MGAT4C: variants seen among roughly 807,000 people sequenced by gnomAD.
MGAT4C encodes alpha-1,3-mannosyl-glycoprotein 4-beta-N-acetylglucosaminyltransferase C.
MGAT4C carries 19 observed loss-of-function variants against 40.1 expected under a neutral mutation model. The ratio of observed to expected loss-of-function variants is 0.47; its 90% CI spans 0.33 to 0.70. The LOEUF (loss-of-function observed/expected upper bound fraction) is 0.70, where lower values mean the gene tolerates loss of function less well. Ranked by LOEUF, MGAT4C falls within the 30% of genes least tolerant of loss-of-function variation. The pLI is 0.02. For missense variants in MGAT4C, 491 were observed against 563.2 expected (o/e 0.87, Z 1.30); for synonymous variants, 181 against 187.1 (o/e 0.97, Z 0.27).
rs375594924 is a variant in MGAT4C at position 85,964,458 on chromosome 12, G to C, written c.*14831C>G. ...GAAATAATAGTATCATTCTATTTCA[G>C]GTTCTTAAGCAACATTCCTAAGACT... On this transcript the variant is annotated 3_prime_UTR_variant, in exon 5 of 5. Transcript: ENST00000611864. 2.4e-4 allele frequency: 37 copies of C among 152,038 alleles called. No homozygotes were observed. In the East Asian group the frequency reaches 6.6e-3, roughly 27 times the overall value. 9.4% of individuals were successfully genotyped at this position (152,038 alleles called of 1,614,324 possible).
chr12:86,145,709 C>T (rs844437), intron 1 of MGAT4C, among the ~76,000 whole-genome samples: 134,799 of 152,186 alleles, frequency 0.89, 59,928 homozygotes, highest in East Asian at 1. Context: ...ATTTATTTAC[C>T]TTACCTATTT....
chr12:86,834,495 C>T (rs1299038075), intron 1 of MGAT4C, among the ~76,000 whole-genome samples: 1 of 151,532 alleles, frequency 6.6e-6, no homozygotes, highest in South Asian at 2.1e-4. Flanking sequence ...CAACAATAAC[C>T]ATTAATATTT....
chr12:86,758,947 C>T (rs1951352716), intron 1 of MGAT4C, among the ~76,000 whole-genome samples: 2 of 152,000 alleles, frequency 1.3e-5, no homozygotes, highest in South Asian at 2.1e-4. Context: ...TTACTGTTAA[C>T]TCTACTCATC....
intron 3 of MGAT4C, among the ~76,000 whole-genome samples, chr12:86,433,529 T>C (rs1957082343): frequency 6.6e-6 from 1 of 151,994 alleles, no homozygotes; most frequent in Admixed American, 6.6e-5. Context: ...ATATATTTTT[T>C]TTTACTACAT....
intron 2 of MGAT4C, among the ~76,000 whole-genome samples, chr12:86,599,348 G>A (rs370995829): frequency 1.5e-3 from 222 of 151,926 alleles, no homozygotes; most frequent in African/African-American, 3.8e-3. Context: ...TTTTCATTAC[G>A]TTATCTGTAA....
At chr12:86,253,271 T>A (rs181827099) in intron 1 of MGAT4C, among the ~76,000 whole-genome samples, 2 of 151,700 alleles carry the variant, frequency 1.3e-5, no homozygotes, top group East Asian at 3.9e-4. Context: ...CCTAGAAGAG[T>A]GCCTGGCACG....
At chr12:86,693,991 A>T (rs555712982) in intron 2 of MGAT4C, among the ~76,000 whole-genome samples, 46 of 152,304 alleles carry the variant, frequency 3.0e-4, no homozygotes, top group African/African-American at 1.0e-3. Context: ...AACTTTAAAA[A>T]TACATGTTTT....
intron 1 of MGAT4C, among the ~76,000 whole-genome samples, chr12:86,173,636 T>C (rs959050684): frequency 2.0e-5 from 3 of 152,154 alleles, no homozygotes; most frequent in Non-Finnish European, 4.4e-5. Flanking sequence ...TCCCCAGTGT[T>C]GTTTTCAAAC....
At chr12:86,281,095 T>A (rs1006861909) in intron 4 of MGAT4C, among the ~76,000 whole-genome samples, 3 of 152,076 alleles carry the variant, frequency 2.0e-5, no homozygotes, top group African/African-American at 7.2e-5. Flanking sequence ...TTTGGTTGCA[T>A]ACATTTTTGT....
intron 1 of MGAT4C, among the ~76,000 whole-genome samples, chr12:86,130,061 T>C (rs1408635499): frequency 6.6e-6 from 1 of 152,204 alleles, no homozygotes; most frequent in African/African-American, 2.4e-5. Flanking sequence ...AACAAGTATC[T>C]ATGATTGCCT....
chr12:86,708,594 G>A lies in MGAT4C; in HGVS notation c.-229+18615C>T, dbSNP rs190531737. Among the ~76,000 whole-genome samples the A allele has an allele frequency of 1.3e-3, 194 of 152,200 alleles. 1 individual carries two copies. Among genetic ancestry groups the A allele is most frequent in the Non-Finnish European group, 1.8e-3 (123 of 68,014 alleles). On this transcript the variant is annotated intron_variant, in intron 2 of 7. Coordinates refer to the MGAT4C transcript ENST00000548651. Reference sequence around the variant, plus strand: ...CCCAGAAAAGCCACAGACACTCAGCGCTAGCCTTTGAAAGCAGCCAGGAGG... The same window carrying A: ...CCCAGAAAAGCCACAGACACTCAGCACTAGCCTTTGAAAGCAGCCAGGAGG...
At chr12:86,538,338 CA>C (rs1959109335) in intron 2 of MGAT4C, among the ~76,000 whole-genome samples, 1 of 151,904 alleles carries the variant, frequency 6.6e-6, no homozygotes, top group African/African-American at 2.4e-5. Flanking sequence ...GGCAGGGATC[CA>C]AGGAAAGAAT....
At chr12:86,816,660 A>AT (rs1327436515) in intron 1 of MGAT4C, among the ~76,000 whole-genome samples, 2 of 151,602 alleles carry the variant, frequency 1.3e-5, no homozygotes, top group African/African-American at 2.4e-5. Flanking sequence ...GCCACTAAAA[A>AT]TTTTTTTAGA....
intron 1 of MGAT4C, among the ~76,000 whole-genome samples, chr12:86,080,241 C>G (rs1445011423): frequency 6.6e-6 from 1 of 152,064 alleles, no homozygotes; most frequent in African/African-American, 2.4e-5. Context: ...ATAGAGATTG[C>G]TATGTTTTAC....
intron 2 of MGAT4C, among the ~76,000 whole-genome samples, chr12:86,045,568 A>T (rs1332291564): frequency 1.3e-5 from 2 of 152,208 alleles, no homozygotes; most frequent in Non-Finnish European, 2.9e-5. Flanking sequence ...AGAAAACACA[A>T]AAACAAAACC....
At chr12:86,023,853 T>A (rs1356395259) in intron 2 of MGAT4C, among the ~76,000 whole-genome samples, 1 of 151,728 alleles carries the variant, frequency 6.6e-6, no homozygotes, top group East Asian at 1.9e-4. Flanking sequence ...GTTGGGCAAT[T>A]TAAAGGTCAC....
chr12:86,120,650 A>C (rs979102097), intron 1 of MGAT4C, among the ~76,000 whole-genome samples: 1 of 152,222 alleles, frequency 6.6e-6, no homozygotes, highest in African/African-American at 2.4e-5. Flanking sequence ...GACCTCCAGC[A>C]AACTCCAACA....
chr12:86,590,428 G>T (rs1961281294), intron 2 of MGAT4C, among the ~76,000 whole-genome samples: 1 of 151,704 alleles, frequency 6.6e-6, no homozygotes, highest in Non-Finnish European at 1.5e-5. Flanking sequence ...ACTACATATG[G>T]CTTCATTTCA....
intron 2 of MGAT4C, among the ~76,000 whole-genome samples, chr12:86,517,077 T>A (rs1958703858): frequency 6.6e-6 from 1 of 152,144 alleles, no homozygotes; most frequent in South Asian, 2.1e-4. Flanking sequence ...ATAACCCTCA[T>A]ACATTGCAAG....
Sources: gnomAD v4.1 joint callset for allele counts (sites outside exome capture counted in the v4.1 genomes callset) on GRCh38, gnomAD v4.1.1 for gene constraint, MANE v1.5 for transcripts, NCBI Gene and HGNC (gene_info 2026-07-23, HGNC 2026-07-21) for gene names.